The following AGBL4 variants were observed in gnomAD, a reference collection of about 807,000 sequenced individuals.
AGBL4 encodes the protein cytosolic carboxypeptidase 6.
A neutral mutation model predicts 66.4 loss-of-function variants in AGBL4; 58 were observed. The ratio of observed to expected loss-of-function variants is 0.87; its 90% CI spans 0.71 to 1.09. The LOEUF is 1.09. Ranked by LOEUF, AGBL4 falls within the 50% of genes least tolerant of loss-of-function variation. The pLI, the probability that AGBL4 is intolerant of heterozygous loss-of-function variation, is 0.00. For synonymous variants in AGBL4, 234 were observed against 222.9 expected (o/e 1.05, Z -0.44); for missense variants, 579 against 631.0 (o/e 0.92, Z 0.88).
In AGBL4 at chr1:49,983,699, C is replaced by T. The variant is rs541365284; in HGVS notation, c.34+40064G>A. ...TTAATCAGTACTTTGAATACATCTA[C>T]TTTGATCATGAACATTTTTTTGATT... On this transcript the variant is annotated intron_variant, in intron 1 of 13. Transcript: ENST00000371839. Among the ~76,000 whole-genome samples, 4 of 152,360 alleles carry T rather than the reference C, an allele frequency of 2.6e-5. No homozygotes were observed. The East Asian group carries it at 7.7e-4, about 29-fold the overall frequency.
chr1:50,010,469 AACACACAC>A (rs113933841), intron 1 of AGBL4, among the ~76,000 whole-genome samples: 1 of 148,966 alleles, frequency 6.7e-6, no homozygotes, highest in African/African-American at 2.5e-5. Flanking sequence ...AGGAACCACA[AACACACAC>A]ACACACACAC....
chr1:49,136,057 G>C (rs764591190), intron 4 of AGBL4, among the ~76,000 whole-genome samples: 4 of 151,992 alleles, frequency 2.6e-5, no homozygotes, highest in Non-Finnish European at 5.9e-5. Flanking sequence ...CAGTAATTGT[G>C]AAAAATATGG....
intron 4 of AGBL4, among the ~76,000 whole-genome samples, chr1:49,058,305 T>C (rs940519011): frequency 7.9e-5 from 12 of 152,146 alleles, no homozygotes; most frequent in African/African-American, 2.7e-4. Flanking sequence ...GGTAATTGAA[T>C]CATGGGGGCG....
At chr1:48,589,975 C>T (rs1007451838) in intron 10 of AGBL4, among the ~76,000 whole-genome samples, 1 of 152,216 alleles carries the variant, frequency 6.6e-6, no homozygotes, top group African/African-American at 2.4e-5. Flanking sequence ...AGGCCGGGAA[C>T]AGTAGCTCAT....
At chr1:48,981,083 A>G (rs1659728831) in intron 5 of AGBL4, among the ~76,000 whole-genome samples, 1 of 152,106 alleles carries the variant, frequency 6.6e-6, no homozygotes, top group Non-Finnish European at 1.5e-5. Flanking sequence ...GAGATAAAAC[A>G]TGGATAAGCT....
chr1:48,748,498 C>T (rs1053496832), intron 6 of AGBL4, among the ~76,000 whole-genome samples: 6 of 152,158 alleles, frequency 3.9e-5, no homozygotes, highest in African/African-American at 1.4e-4. Context: ...AAAACTGGGG[C>T]AGAAGCAAAG....
chr1:49,232,402 G>C (rs1305859165), intron 4 of AGBL4, among the ~76,000 whole-genome samples: 2 of 151,918 alleles, frequency 1.3e-5, no homozygotes, highest in African/African-American at 4.8e-5. Context: ...CTGCATAAAA[G>C]GACTACAGAA....
intron 1 of AGBL4, among the ~76,000 whole-genome samples, chr1:49,931,188 T>C (rs1653311567): frequency 6.6e-6 from 1 of 152,154 alleles, no homozygotes; most frequent in African/African-American, 2.4e-5. Context: ...AAAATAAATT[T>C]GAACAAAGAC....
At chr1:49,415,587 G>C (rs559979096) in intron 3 of AGBL4, among the ~76,000 whole-genome samples, 1 of 152,018 alleles carries the variant, frequency 6.6e-6, no homozygotes, top group Non-Finnish European at 1.5e-5. Flanking sequence ...AAACTAGAAA[G>C]GTAGGTTCTA....
At chr1:49,808,358 C>G (rs924850302) in intron 2 of AGBL4, among the ~76,000 whole-genome samples, 3 of 152,116 alleles carry the variant, frequency 2.0e-5, no homozygotes, top group African/African-American at 7.2e-5. Context: ...AAAGGGAAGA[C>G]AGGAGGAGGC....
At chr1:49,719,753 C>A (rs1648448783) in intron 2 of AGBL4, among the ~76,000 whole-genome samples, 1 of 152,064 alleles carries the variant, frequency 6.6e-6, no homozygotes, top group African/African-American at 2.4e-5. Flanking sequence ...TGGGAGGGAT[C>A]TGGTGGGAGG....
chr1:49,592,565 C>A (rs1644771968), intron 3 of AGBL4, among the ~76,000 whole-genome samples: 1 of 151,808 alleles, frequency 6.6e-6, no homozygotes, highest in African/African-American at 2.4e-5. Context: ...GAGGCTCTGT[C>A]TCAAAAAAAC....
At chr1:49,971,907 G>GTTGTTTTTTTTTTTTTGTTTTTTT (rs1553155278) in intron 1 of AGBL4, among the ~76,000 whole-genome samples, 1 of 23,428 alleles carries the variant, frequency 4.3e-5, no homozygotes, top group Non-Finnish European at 7.9e-5. Context: ...GTTTTTTTGG[G>GTTGTTTTTTTTTTTTTGTTTTTTT]TTTTTTTTTT....
chr1:49,626,481 A>G (rs1645465507), intron 3 of AGBL4, among the ~76,000 whole-genome samples: 1 of 152,158 alleles, frequency 6.6e-6, no homozygotes. Flanking sequence ...CTAAAGAATG[A>G]ATTGCTGACT....
chr1:49,618,489 CA>C (rs1235656507), intron 3 of AGBL4, among the ~76,000 whole-genome samples: 1 of 131,808 alleles, frequency 7.6e-6, no homozygotes, highest in Non-Finnish European at 1.8e-5. Context: ...GCCTACTAAC[CA>C]AAAAAGCCCA....
chr1:49,195,398 C>T (rs1647210962), intron 4 of AGBL4, among the ~76,000 whole-genome samples: 1 of 152,064 alleles, frequency 6.6e-6, no homozygotes, highest in South Asian at 2.1e-4. Context: ...CTTTATTCCT[C>T]CCTCATTTAT....
intron 6 of AGBL4, among the ~76,000 whole-genome samples, chr1:48,837,816 T>TG (rs58115251): frequency 0.49 from 72,090 of 146,288 alleles, 20,546 homozygotes; most frequent in Non-Finnish European, 0.66. Flanking sequence ...ATGAGGGGCA[T>TG]GGGAGAGATA....
At chr1:49,830,530 G>A (rs1016790998) in intron 2 of AGBL4, among the ~76,000 whole-genome samples, 12 of 152,218 alleles carry the variant, frequency 7.9e-5, no homozygotes, top group South Asian at 2.1e-4. Flanking sequence ...TGGATAGAAC[G>A]CAAAATTTTT....
At chr1:48,542,247 G>T (rs1216975697) in intron 11 of AGBL4, among the ~76,000 whole-genome samples, 1 of 152,042 alleles carries the variant, frequency 6.6e-6, no homozygotes, top group African/African-American at 2.4e-5. Flanking sequence ...ATCATTGATG[G>T]GCATTTGGGT....
Sources: allele counts gnomAD v4.1 joint callset (sites outside exome capture counted in the v4.1 genomes callset), GRCh38; gene constraint gnomAD v4.1.1; transcripts MANE v1.5; gene names NCBI Gene and HGNC (gene_info 2026-07-23, HGNC 2026-07-21).